The following DACH1 variants were observed in gnomAD, a reference collection of about 807,000 sequenced individuals.
DACH1 encodes the protein dachshund homolog 1.
Under a neutral mutation model 54.2 loss-of-function variants are expected in DACH1, and 12 were observed. The observed-to-expected ratio is 0.22, with a 90% CI of 0.14 to 0.36. The LOEUF (loss-of-function observed/expected upper bound fraction) is 0.36. Among genes scored for constraint, DACH1 ranks in the 10% least tolerant of loss-of-function variants. The pLI is 1.00. For missense variants in DACH1, 805 were observed against 929.8 expected (o/e 0.87, Z 1.75); for synonymous variants, 386 against 366.2 (o/e 1.05, Z -0.62).
Position 71,748,878 on chromosome 13 carries a change from C to CT in DACH1, c.849-66969dup, listed in dbSNP as rs1210357342. Among the ~76,000 whole-genome samples, 56 of 19,586 alleles carry CT rather than the reference C, an allele frequency of 2.9e-3. 1 individual carries two copies. The highest frequency in any genetic ancestry group is 4.9e-3 in the Non-Finnish European group (11 of 2,226). 12.8% of individuals were successfully genotyped at this position (19,586 alleles called of 152,430 possible). ...TCTTTCTTTCTTTCTTTCTTTCTTT[C>CT]TTTCTTTCTTTCTTTCTTTCTCTTT... On this transcript the variant is annotated intron_variant, in intron 1 of 10. Transcript: ENST00000613252.
intron 3 of DACH1, among the ~76,000 whole-genome samples, chr13:71,581,012 A>G (rs1167730794): frequency 6.8e-6 from 1 of 146,366 alleles, no homozygotes; most frequent in African/African-American, 2.5e-5. Context: ...GTCTTAATGT[A>G]AGTTCCACGT....
intron 3 of DACH1, among the ~76,000 whole-genome samples, chr13:71,611,830 C>T (rs1043295867): frequency 2.4e-4 from 36 of 151,934 alleles, no homozygotes; most frequent in Non-Finnish European, 4.9e-4. Flanking sequence ...AGCTTTTTTG[C>T]CTCCTTTTTA....
chr13:71,750,617 T>G (rs1884881610), intron 1 of DACH1, among the ~76,000 whole-genome samples: 1 of 152,202 alleles, frequency 6.6e-6, no homozygotes, highest in African/African-American at 2.4e-5. Context: ...GAAATGAAAG[T>G]GTTGTTTAAT....
At chr13:71,592,389 A>C (rs1366508563) in intron 3 of DACH1, among the ~76,000 whole-genome samples, 2 of 144,604 alleles carry the variant, frequency 1.4e-5, no homozygotes, top group Non-Finnish European at 3.0e-5. Context: ...CAGCTACTTG[A>C]GGTATTGAGG....
intron 6 of DACH1, among the ~76,000 whole-genome samples, chr13:71,511,387 AT>A (rs766982605): frequency 1.3e-5 from 2 of 152,064 alleles, no homozygotes; most frequent in East Asian, 3.9e-4. Flanking sequence ...GCCAAAAAAA[AT>A]GTAGTGATAT....
Position 71,675,139 on chromosome 13 carries a change from G to A in DACH1, c.964+6656C>T, listed in dbSNP as rs1049245629. 3.2e-6 allele frequency: 5 copies of A among 1,578,906 alleles called. No individual in the cohort carries two copies. The Admixed American group carries it at 8.3e-5, about 26-fold the overall frequency. Reference sequence around the variant, plus strand: ...CAGGAAGTAACTGGCTACAAAAGCCGCTCGCAAGAGTGCGCCCTCTACTGG... The same window carrying A: ...CAGGAAGTAACTGGCTACAAAAGCCACTCGCAAGAGTGCGCCCTCTACTGG... On this transcript the variant is annotated intron_variant, in intron 2 of 10. Coordinates refer to ENST00000613252, the MANE Select transcript of DACH1 (RefSeq NM_080759.6).
chr13:71,798,162 G>C (rs1887135023), intron 1 of DACH1, among the ~76,000 whole-genome samples: 1 of 151,502 alleles, frequency 6.6e-6, no homozygotes, highest in African/African-American at 2.4e-5. Flanking sequence ...TCCAAATCCA[G>C]GGTTTCAAAA....
rs144522778 is a variant in DACH1, at chr13:71,738,599, G to T, written c.849-56689C>A. Among the ~76,000 whole-genome samples the T allele has an allele frequency of 4.4e-4, 66 of 151,662 alleles. No homozygotes were observed. The East Asian group carries it at 0.011, about 25-fold the overall frequency. ...AATAACAAATTGGCCAGGCATGGTG[G>T]CACCTGCCTGTAATCCCAGCTACTC... On this transcript the variant is annotated intron_variant, in intron 1 of 10. Coordinates refer to ENST00000613252, the MANE Select transcript of DACH1 (RefSeq NM_080759.6).
intron 6 of DACH1, among the ~76,000 whole-genome samples, chr13:71,534,325 G>A (rs749495916): frequency 7.3e-5 from 11 of 151,692 alleles, no homozygotes; most frequent in African/African-American, 1.5e-4. Flanking sequence ...ACAATAAAAG[G>A]ACAAAAATAT....
intron 1 of DACH1, among the ~76,000 whole-genome samples, chr13:71,771,883 T>A (rs1885871518): frequency 6.7e-6 from 1 of 150,258 alleles, no homozygotes. Context: ...TGGTTGAAGA[T>A]GAGTAAAGGA....
intron 1 of DACH1, among the ~76,000 whole-genome samples, chr13:71,815,663 TTAAAACTCAA>T (rs1207680360): frequency 6.6e-6 from 1 of 152,192 alleles, no homozygotes; most frequent in African/African-American, 2.4e-5. Flanking sequence ...TCCCAAGTAA[TTAAAACTCAA>T]TAAATGATAT....
intron 6 of DACH1, among the ~76,000 whole-genome samples, chr13:71,545,518 AGAAGAAAG>A (rs747471151): frequency 1.3e-5 from 2 of 150,936 alleles, no homozygotes; most frequent in Admixed American, 6.6e-5. Flanking sequence ...AAAGAAGAAA[AGAAGAAAG>A]GAAGGAAGAA....
intron 3 of DACH1, among the ~76,000 whole-genome samples, chr13:71,618,979 AT>A (rs201274834): frequency 2.5e-4 from 37 of 150,080 alleles, no homozygotes; most frequent in East Asian, 2.2e-3. Flanking sequence ...CCTTATATGC[AT>A]TTTTTTTTGC....
intron 1 of DACH1, among the ~76,000 whole-genome samples, chr13:71,726,732 A>G (rs552444434): frequency 3.9e-5 from 6 of 152,058 alleles, no homozygotes; most frequent in Non-Finnish European, 8.8e-5. Flanking sequence ...TTTGAAAAAG[A>G]AAACAATGGT....
At chr13:71,692,455 T>C (rs1881539797) in intron 1 of DACH1, among the ~76,000 whole-genome samples, 1 of 151,684 alleles carries the variant, frequency 6.6e-6, no homozygotes, top group Non-Finnish European at 1.5e-5. Context: ...ATGATTTGTT[T>C]GCCTGTGTTA....
rs73525421 is a variant in DACH1, at chr13:71,749,694, T to G, written c.849-67784A>C. Among the ~76,000 whole-genome samples the G allele has an allele frequency of 7.5e-3, 1,147 of 152,284 alleles. 21 individuals carry two copies. Among genetic ancestry groups the G allele is most frequent in the African/African-American group, 0.026 (1,086 of 41,552 alleles). ...TAAAACATGATGCACTAAAGAAATG[T>G]TAATATTGTAGAGAGGAACAACACT... On this transcript the variant is annotated intron_variant, in intron 1 of 10. Coordinates refer to ENST00000613252, the MANE Select transcript of DACH1 (RefSeq NM_080759.6).
At chr13:71,669,151 A>G (rs754390476) in intron 2 of DACH1, among the ~76,000 whole-genome samples, 2 of 152,104 alleles carry the variant, frequency 1.3e-5, no homozygotes, top group African/African-American at 2.4e-5. Context: ...GTGTTTTGTG[A>G]TCACATTAGC....
chr13:71,727,959 T>C (rs1483429395), intron 1 of DACH1, among the ~76,000 whole-genome samples: 2 of 152,082 alleles, frequency 1.3e-5, no homozygotes, highest in Non-Finnish European at 2.9e-5. Context: ...GTAACAGTCC[T>C]TTCTAGACCA....
chr13:71,475,283 CT>C (rs1877419045), intron 9 of DACH1, 74 bp from the exon 10 acceptor site: 6 of 1,226,254 alleles, frequency 4.9e-6, no homozygotes, highest in Non-Finnish European at 6.0e-6. Flanking sequence ...AAAGAGCAAC[CT>C]GTTACTTTGG....
Sources: allele counts gnomAD v4.1 joint callset (sites outside exome capture counted in the v4.1 genomes callset), GRCh38; gene constraint gnomAD v4.1.1; transcripts MANE v1.5; gene names NCBI Gene and HGNC (gene_info 2026-07-23, HGNC 2026-07-21).